The following EIF3I variants were observed in gnomAD, a reference collection of about 807,000 sequenced individuals.
EIF3I encodes the protein TGF-beta receptor-interacting protein 1.
A neutral mutation model predicts 43.3 loss-of-function variants in EIF3I; 20 were observed. The observed-to-expected ratio is 0.46, with a 90% confidence interval of 0.32 to 0.67. EIF3I has a LOEUF of 0.67. Among genes scored for constraint, EIF3I ranks in the 30% least tolerant of loss-of-function variants. EIF3I has a pLI of 0.03. For synonymous variants in EIF3I, 167 were observed against 151.7 expected (o/e 1.10, Z -0.74); for missense variants, 279 against 421.4 (o/e 0.66, Z 2.96).
Position 32,226,336 on chromosome 1 carries a change from A to G in EIF3I, c.400+16A>G. The G allele has an allele frequency of 6.2e-7, 1 of 1,614,108 alleles. No homozygotes were observed. ...AGCCAGATTGGTGAGGGCTGGGAAT[A>G]GGGCTGGGGTTGAGGTAAAGGGTAC... On this transcript the variant is annotated intron_variant, in intron 5 of 11. Transcript: ENST00000676679.
At chr1:32,226,520 A>G in exon 6 of EIF3I, 1 of 1,547,760 alleles carries the variant, frequency 6.5e-7, no homozygotes, top group Non-Finnish European at 8.7e-7. Context: ...CTCAACCAGT[A>G]TAGTGCCAAG....
At position 32,228,829 on chromosome 1, in the gene EIF3I, C is replaced by T. The variant is rs1639190031; in HGVS notation, c.729+13C>T. ...CAACTATGACCATGTAAGAGAACCC[C>T]ACCTGCCTTCCTGCTGAAGCCTCAG... On this transcript the variant is annotated intron_variant, in intron 8 of 11. Transcript: ENST00000676679. 2 of 1,603,904 alleles carry T rather than the reference C, an allele frequency of 1.2e-6. No homozygotes were observed. Among genetic ancestry groups the T allele is most frequent in the Non-Finnish European group, 1.7e-6 (2 of 1,171,674 alleles).
chr1:32,234,988 A>G (rs906161820), downstream of EIF3I: 1 of 152,862 alleles, frequency 6.5e-6, no homozygotes, highest in African/African-American at 2.4e-5. Context: ...GGTGGTGCTC[A>G]GTGCCTGCTT....
chr1:32,224,658 C>CT (rs58586351), intron 4 of EIF3I, among the ~76,000 whole-genome samples, 183 bp downstream of exon 4: 13,924 of 136,160 alleles, frequency 0.1, 790 homozygotes, highest in South Asian at 0.25. Context: ...ATTAAGTTTT[C>CT]TTTTTTTTTT....
At chr1:32,235,549 G>A (rs1272100734), downstream of EIF3I, among the ~76,000 whole-genome samples, 1 of 152,170 alleles carries the variant, frequency 6.6e-6, no homozygotes, top group African/African-American at 2.4e-5. Context: ...TCGGACTCCT[G>A]ACCTTGTGAT....
chr1:32,233,792 AT>A (rs887406089), downstream of EIF3I, among the ~76,000 whole-genome samples: 1 of 152,080 alleles, frequency 6.6e-6, no homozygotes, highest in African/African-American at 2.4e-5. Context: ...TTTGCAGCAA[AT>A]TTCCCCTTTA....
chr1:32,226,095 G>A (rs955659636), intron 4 of EIF3I, 76 bp from the exon 5 acceptor site: 7 of 1,547,754 alleles, frequency 4.5e-6, no homozygotes, highest in African/African-American at 1.4e-5. Context: ...ACAGTGAGAT[G>A]TGATGGTAGC....
rs147378156 is a variant in EIF3I, at chr1:32,230,722, G to A, written c.915-205G>A. 7.5e-3 allele frequency among the ~76,000 whole-genome samples: 1,135 copies of A among 152,232 alleles called. 22 individuals are homozygous for A. The highest frequency in any genetic ancestry group is 0.026 in the African/African-American group (1,089 of 41,568). On this transcript the variant is annotated intron_variant, in intron 10 of 11. Coordinates refer to ENST00000676679, the Ensembl canonical transcript of EIF3I. The stretch of plus-strand genomic sequence containing the variant: ...ATCTGTAATCCCAACCACTCAGGAG[G>A]CTGAGGCAGGAGAATTGCTTGAACC...
At chr1:32,226,309 CGAGCCAGAT>C in exon 5 of EIF3I, 1 of 1,614,094 alleles carries the variant, frequency 6.2e-7, no homozygotes, top group Non-Finnish European at 8.5e-7. Context: ...CTGCGGGATC[CGAGCCAGAT>C]TGGTGAGGGC....
chr1:32,227,255 T>C (rs1159748779), intron 6 of EIF3I, among the ~76,000 whole-genome samples: 1 of 123,166 alleles, frequency 8.1e-6, no homozygotes, highest in Non-Finnish European at 1.6e-5. Flanking sequence ...CCAGCCTGGG[T>C]GACAGTGAGA....
At chr1:32,228,942 G>C in intron 8 of EIF3I, 126 bp downstream of exon 8, 4 of 1,069,486 alleles carry the variant, frequency 3.7e-6, no homozygotes. Context: ...GATGCCCAGA[G>C]GAGTGACAAA....
downstream of EIF3I, chr1:32,231,542 C>T (rs938386472): frequency 5.1e-6 from 1 of 195,810 alleles, no homozygotes; most frequent in African/African-American, 2.4e-5. Context: ...AGAAGATTCT[C>T]ACAGAAGGTT....
At chr1:32,234,332 C>T (rs1260187304), downstream of EIF3I, 1 of 150,244 alleles carries the variant, frequency 6.7e-6, no homozygotes, top group Non-Finnish European at 1.5e-5. Context: ...GGAAGTAAGG[C>T]ACTGATGGCA....
intron 3 of EIF3I, 114 bp downstream of exon 3, chr1:32,224,235 T>A: frequency 8.8e-7 from 1 of 1,141,360 alleles, no homozygotes; most frequent in Non-Finnish European, 1.3e-6. Context: ...CGATACCTCC[T>A]ACTCCCTGGT....
At chr1:32,229,272 T>C in intron 9 of EIF3I, 64 bp downstream of exon 9, 1 of 1,567,330 alleles carries the variant, frequency 6.4e-7, no homozygotes, top group Non-Finnish European at 8.7e-7. Context: ...TGTTTGTTTT[T>C]GTTTTTGAGA....
chr1:32,229,065 A>G (rs1316357323), intron 8 of EIF3I, 70 bp from the exon 9 acceptor site: 12 of 1,504,954 alleles, frequency 8.0e-6, no homozygotes, highest in Non-Finnish European at 1.0e-5. Context: ...AAAAATGTAT[A>G]TGGCAGCAGA....
At chr1:32,235,512 G>C (rs985503317), downstream of EIF3I, among the ~76,000 whole-genome samples, 6 of 152,076 alleles carry the variant, frequency 3.9e-5, no homozygotes, top group African/African-American at 1.4e-4. Flanking sequence ...TGCATTGTTA[G>C]GTTTCACCAT....
downstream of EIF3I, chr1:32,232,200 G>A (rs1639248041): frequency 6.6e-6 from 1 of 152,264 alleles, no homozygotes; most frequent in Admixed American, 6.5e-5. Context: ...GAAAGGCAGG[G>A]AGTGAGTTTC....
intron 10 of EIF3I, 119 bp from the exon 10 acceptor site, chr1:32,230,808 A>G (rs557308263): frequency 2.7e-6 from 2 of 746,956 alleles, no homozygotes; most frequent in Admixed American, 3.0e-5. Flanking sequence ...TGGGTGACAG[A>G]GTAAGACTCC....
Sources: gnomAD v4.1 joint callset for allele counts (sites outside exome capture counted in the v4.1 genomes callset) on GRCh38, gnomAD v4.1.1 for gene constraint, MANE v1.5 for transcripts, NCBI Gene and HGNC (gene_info 2026-07-23, HGNC 2026-07-21) for gene names.